AOPEP: variants seen among roughly 807,000 people sequenced by gnomAD.
The protein encoded by AOPEP is aminopeptidase O (putative).
Under a neutral mutation model 98.1 loss-of-function variants are expected in AOPEP, and 77 were observed. That is an observed-to-expected ratio of 0.78 (90% CI 0.65 to 0.95). AOPEP has a LOEUF of 0.95. Among genes scored for constraint, AOPEP ranks in the 40% least tolerant of loss-of-function variants. The pLI is 0.00. For missense variants in AOPEP, 1,024 were observed against 1,024.7 expected (o/e 1.00, Z 0.01); for synonymous variants, 346 against 365.3 (o/e 0.95, Z 0.60).
intron 7 of AOPEP, among the ~76,000 whole-genome samples, chr9:94,937,017 G>A (rs1024007563): frequency 1.6e-4 from 25 of 152,166 alleles, no homozygotes; most frequent in Admixed American, 5.9e-4. Context: ...CCTAACTTTG[G>A]GGGGTTTATG....
rs2055367465 is a variant in AOPEP at position 94,931,854 on chromosome 9, C to T, written c.1661+3323C>T. Reference sequence around the variant, plus strand: ...CCTGGCTTCTGTGTGTCTTACTCTCCTTGAGTTCCCTCTGCCTCTGTGGCC... The same window carrying T: ...CCTGGCTTCTGTGTGTCTTACTCTCTTTGAGTTCCCTCTGCCTCTGTGGCC... On this transcript the variant is annotated intron_variant, in intron 7 of 16. Coordinates refer to ENST00000375315, the MANE Select transcript of AOPEP (RefSeq NM_001193329.3). 2.1e-6 allele frequency: 3 copies of T among 1,441,724 alleles called. No individual in the cohort carries two copies. The Admixed American group carries it at 6.2e-5, about 30-fold the overall frequency. The allele number at this position is 1,441,724 out of a possible 1,614,324, so 89.3% of individuals were successfully genotyped here. A position where few individuals can be genotyped will look rare whatever the true frequency, so the allele number is the denominator to read the frequency against.
intron 11 of AOPEP, among the ~76,000 whole-genome samples, chr9:95,000,057 T>G (rs1466896234): frequency 6.6e-6 from 1 of 152,220 alleles, no homozygotes; most frequent in Non-Finnish European, 1.5e-5. Flanking sequence ...CTGACTTCCT[T>G]TTTTGAAAAT....
intron 13 of AOPEP, among the ~76,000 whole-genome samples, chr9:95,039,777 G>T (rs1003222583): frequency 6.7e-6 from 1 of 148,222 alleles, no homozygotes; most frequent in African/African-American, 2.5e-5. Context: ...CACCTTTCAT[G>T]TTAATTTTAA....
chr9:94,956,573 T>C (rs2058474674), intron 9 of AOPEP, among the ~76,000 whole-genome samples: 1 of 152,222 alleles, frequency 6.6e-6, no homozygotes, highest in Non-Finnish European at 1.5e-5. Flanking sequence ...AGGTACTCCA[T>C]AAATATTTGA....
intron 5 of AOPEP, among the ~76,000 whole-genome samples, chr9:94,810,321 T>G (rs1275230967): frequency 1.3e-5 from 2 of 149,704 alleles, no homozygotes; most frequent in Non-Finnish European, 3.0e-5. Context: ...GTTTTTTTGT[T>G]TTTTTTTTTT....
chr9:95,060,920 T>G, intron 14 of AOPEP, 110 bp downstream of exon 14: 1 of 747,816 alleles, frequency 1.3e-6, no homozygotes. Context: ...ATTAGCAAAA[T>G]CTCATGTGTT....
At chr9:94,927,706 TG>T (rs2054568112) in intron 6 of AOPEP, among the ~76,000 whole-genome samples, 1 of 152,236 alleles carries the variant, frequency 6.6e-6, no homozygotes, top group African/African-American at 2.4e-5. Context: ...AGGCCCTGTC[TG>T]TAATGTCCCC....
intron 14 of AOPEP, among the ~76,000 whole-genome samples, chr9:95,070,719 G>A (rs1018181100): frequency 4.6e-5 from 7 of 152,364 alleles, no homozygotes; most frequent in South Asian, 2.1e-4. Context: ...AGAAGGACAC[G>A]GCAGTGCAGA....
At chr9:95,135,397 A>C in the AOPEP span, 44 of 1,613,926 alleles carry the variant, frequency 2.7e-5, no homozygotes, top group Non-Finnish European at 3.6e-5. Flanking sequence ...AATTTCTCTC[A>C]CTGGAGATTA....
At chr9:94,913,742 A>G (rs975847379) in intron 5 of AOPEP, among the ~76,000 whole-genome samples, 4 of 152,260 alleles carry the variant, frequency 2.6e-5, no homozygotes, top group African/African-American at 9.6e-5. Flanking sequence ...CCTTACAGCC[A>G]AGGGAGAACA....
chr9:95,091,228 G>T (rs926600094), downstream of AOPEP, among the ~76,000 whole-genome samples: 1 of 152,198 alleles, frequency 6.6e-6, no homozygotes, highest in Non-Finnish European at 1.5e-5. Flanking sequence ...TGTGGGTCAT[G>T]GGTGGGGGTG....
intron 7 of AOPEP, among the ~76,000 whole-genome samples, chr9:94,944,084 G>A (rs118186301): frequency 0.037 from 5,691 of 152,156 alleles, 145 homozygotes; most frequent in Non-Finnish European, 0.059. Flanking sequence ...CTACTAGGAT[G>A]GCTACAATGA....
chr9:95,139,864 T>TTTTATATATATATATAAA, the AOPEP span, among the ~76,000 whole-genome samples: 1 of 147,290 alleles, frequency 6.8e-6, no homozygotes, highest in African/African-American at 2.5e-5. Flanking sequence ...ATATATATAT[T>TTTTATATATATATATAAA]CATTCATTCT....
chr9:94,910,796 C>T (rs2051918848), intron 5 of AOPEP, among the ~76,000 whole-genome samples: 1 of 152,050 alleles, frequency 6.6e-6, no homozygotes, highest in Non-Finnish European at 1.5e-5. Context: ...GGGGAGGGGC[C>T]AGTCTATTAG....
chr9:95,028,084 G>C (rs979040591), intron 13 of AOPEP, among the ~76,000 whole-genome samples: 2 of 152,152 alleles, frequency 1.3e-5, no homozygotes, highest in Non-Finnish European at 2.9e-5. Flanking sequence ...TCTGTCAAGA[G>C]GAAAAGATGA....
At chr9:95,133,044 T>C in the AOPEP span, among the ~76,000 whole-genome samples, 1 of 152,262 alleles carries the variant, frequency 6.6e-6, no homozygotes, top group African/African-American at 2.4e-5. Context: ...AGTCTCGTGC[T>C]ATCTGAGTCT....
chr9:94,808,751 G>C (rs966642331), intron 5 of AOPEP, among the ~76,000 whole-genome samples: 15 of 152,348 alleles, frequency 9.8e-5, no homozygotes, highest in Middle Eastern at 3.4e-3. Context: ...GGGTTCCCCA[G>C]CCAAGACTTG....
intron 5 of AOPEP, among the ~76,000 whole-genome samples, chr9:94,839,935 A>G (rs1470241497): frequency 6.6e-6 from 1 of 152,146 alleles, no homozygotes; most frequent in African/African-American, 2.4e-5. Flanking sequence ...CCTGGCTAAC[A>G]TTTTAAATTT....
chr9:94,992,392 G>A (rs768808713), intron 11 of AOPEP, among the ~76,000 whole-genome samples: 12 of 152,092 alleles, frequency 7.9e-5, no homozygotes, highest in African/African-American at 1.2e-4. Flanking sequence ...TGATCCTGTC[G>A]AGTTACAGCC....
Sources: gnomAD v4.1 joint callset for allele counts (sites outside exome capture counted in the v4.1 genomes callset) on GRCh38, gnomAD v4.1.1 for gene constraint, MANE v1.5 for transcripts, NCBI Gene and HGNC (gene_info 2026-07-23, HGNC 2026-07-21) for gene names.